The following ITPR1 variants were observed in gnomAD, a reference collection of about 807,000 sequenced individuals.
The protein encoded by ITPR1 is inositol 1,4,5-trisphosphate-gated calcium channel ITPR1.
In ITPR1, 96 loss-of-function variants were observed where a neutral mutation model predicts 318.4. The observed-to-expected ratio is 0.30, with a 90% CI of 0.26 to 0.36. The LOEUF is 0.36. Among genes scored for constraint, ITPR1 ranks in the 10% least tolerant of loss-of-function variants. ITPR1 has a pLI of 1.00. For synonymous variants in ITPR1, 1,312 were observed against 1,289.9 expected (o/e 1.02, Z -0.37); for missense variants, 2,440 against 3,460.2 (o/e 0.71, Z 7.40).
intron 4 of ITPR1, among the ~76,000 whole-genome samples, chr3:4,531,732 A>G (rs1271934698): frequency 1.3e-5 from 2 of 151,952 alleles, no homozygotes; most frequent in Non-Finnish European, 2.9e-5. Context: ...TGATCTCCCT[A>G]TCTCTGTTGT....
chr3:4,734,876 C>T (rs1385428948), intron 43 of ITPR1, among the ~76,000 whole-genome samples: 1 of 152,202 alleles, frequency 6.6e-6, no homozygotes, highest in East Asian at 1.9e-4. Flanking sequence ...AAGGGAGAGT[C>T]TTTGCTGGCT....
intron 51 of ITPR1, among the ~76,000 whole-genome samples, chr3:4,784,224 G>C (rs956934605): frequency 3.3e-5 from 5 of 152,012 alleles, no homozygotes; most frequent in Non-Finnish European, 7.4e-5. Flanking sequence ...TGGTCACAGA[G>C]GCCTAGTCTG....
chr3:4,619,631 CT>C lies in ITPR1; in HGVS notation c.164-8131del, dbSNP rs1194048430. Reference sequence around the variant, plus strand: ...CTCTGCCCTCCCCTGCTCTCCTCTGCTCTCCCCTGCTCTCCTCTGCTCTCCC... The same window carrying C: ...CTCTGCCCTCCCCTGCTCTCCTCTGCCTCCCCTGCTCTCCTCTGCTCTCCC... On this transcript the variant is annotated intron_variant, in intron 4 of 61. Coordinates refer to ENST00000649015, the MANE Select transcript of ITPR1 (RefSeq NM_001378452.1). 1.4e-3 allele frequency among the ~76,000 whole-genome samples: 23 copies of C among 16,624 alleles called. 3 individuals carry two copies. The highest frequency in any genetic ancestry group is 4.4e-3 in the African/African-American group (9 of 2,056). The allele number at this position is 16,624 out of a possible 152,430, so 10.9% of individuals were successfully genotyped here.
intron 44 of ITPR1, among the ~76,000 whole-genome samples, chr3:4,737,858 G>T (rs2043387641): frequency 6.6e-6 from 1 of 152,192 alleles, no homozygotes; most frequent in Non-Finnish European, 1.5e-5. Flanking sequence ...TGTTTGGGTG[G>T]TGGTTACATG....
At position 4,834,828 on chromosome 3, in the gene ITPR1, G is replaced by A. The variant is rs149248417; in HGVS notation, c.8029-1946G>A. Among the ~76,000 whole-genome samples the A allele has an allele frequency of 2.3e-3, 357 of 152,260 alleles. 1 individual carries two copies. Among genetic ancestry groups the A allele is most frequent in the African/African-American group, 8.2e-3 (342 of 41,542 alleles). ...TTAACGATCTTTTGCCCATTGCTCTGTGGTGGGAAATTGATGAATATAAGC... is the reference window on the plus strand; with the variant it reads ...TTAACGATCTTTTGCCCATTGCTCTATGGTGGGAAATTGATGAATATAAGC... On this transcript the variant is annotated intron_variant, in intron 60 of 61. Coordinates refer to ENST00000649015, the MANE Select transcript of ITPR1 (RefSeq NM_001378452.1).
At chr3:4,828,317 TG>T (rs35751898) in intron 60 of ITPR1, among the ~76,000 whole-genome samples, 1 of 152,150 alleles carries the variant, frequency 6.6e-6, no homozygotes, top group Non-Finnish European at 1.5e-5. Flanking sequence ...ACATAGCCAC[TG>T]GGAATGTTCT....
At chr3:4,762,347 A>T (rs1041659006) in intron 44 of ITPR1, among the ~76,000 whole-genome samples, 7 of 152,196 alleles carry the variant, frequency 4.6e-5, no homozygotes, top group African/African-American at 1.7e-4. Flanking sequence ...TTGAACCTTC[A>T]CAACCATCCA....
intron 32 of ITPR1, among the ~76,000 whole-genome samples, chr3:4,692,933 C>A (rs1031316477): frequency 6.6e-6 from 1 of 152,106 alleles, no homozygotes; most frequent in Admixed American, 6.5e-5. Context: ...CCAGCCTAGC[C>A]AACATGGGGA....
In ITPR1 at chr3:4,549,345, T is replaced by A. The variant is rs192869921; in HGVS notation, c.163+28251T>A. Among the ~76,000 whole-genome samples the A allele has an allele frequency of 1.6e-3, 248 of 152,326 alleles. 1 individual carries two copies. Among genetic ancestry groups the A allele is most frequent in the African/African-American group, 5.7e-3 (235 of 41,566 alleles). On this transcript the variant is annotated intron_variant, in intron 4 of 61. Coordinates refer to ENST00000649015, the MANE Select transcript of ITPR1 (RefSeq NM_001378452.1). ...GCGGTTTAAGCAGAGGGGCCTGAAG[T>A]TATTTTTCTGTGGCAAAAAATAAAA...
intron 4 of ITPR1, among the ~76,000 whole-genome samples, chr3:4,583,378 G>A (rs1030444686): frequency 9.9e-5 from 15 of 151,896 alleles, no homozygotes; most frequent in African/African-American, 2.4e-4. Flanking sequence ...ATGGACACCC[G>A]TTCCAGTTTG....
intron 40 of ITPR1, among the ~76,000 whole-genome samples, chr3:4,723,133 G>A (rs543942523): frequency 2.6e-5 from 4 of 152,318 alleles, no homozygotes; most frequent in African/African-American, 9.6e-5. Flanking sequence ...GGGAGACAGA[G>A]CAAGACTCCA....
intron 13 of ITPR1, among the ~76,000 whole-genome samples, 176 bp from the exon 14 acceptor site, chr3:4,660,812 A>AT: frequency 6.6e-6 from 1 of 152,288 alleles, no homozygotes; most frequent in South Asian, 2.1e-4. Context: ...TTCTATTGTA[A>AT]ATGCATCAGA....
intron 7 of ITPR1, 53 bp downstream of exon 7, chr3:4,642,304 G>T: frequency 1.4e-6 from 2 of 1,408,020 alleles, no homozygotes; most frequent in South Asian, 3.4e-5. Context: ...TTCCAAGCAT[G>T]ACTGTATATT....
intron 33 of ITPR1, among the ~76,000 whole-genome samples, chr3:4,695,068 TG>T (rs745406267): frequency 3.9e-5 from 6 of 152,348 alleles, no homozygotes; most frequent in South Asian, 2.1e-4. Flanking sequence ...AGATGCCAGA[TG>T]TTTTTTTACA....
intron 44 of ITPR1, among the ~76,000 whole-genome samples, chr3:4,752,410 G>T (rs1390398772): frequency 2.6e-5 from 4 of 152,154 alleles, no homozygotes; most frequent in Non-Finnish European, 5.9e-5. Flanking sequence ...ATGGATTAAG[G>T]ATCCTCAGCC....
chr3:4,822,098 G>A (rs770223848), intron 60 of ITPR1, among the ~76,000 whole-genome samples: 9 of 152,170 alleles, frequency 5.9e-5, no homozygotes, highest in Admixed American at 2.0e-4. Flanking sequence ...GGCAAGTCAC[G>A]GGACTTTGCT....
At chr3:4,727,549 C>T (rs149820896) in intron 42 of ITPR1, among the ~76,000 whole-genome samples, 290 of 152,210 alleles carry the variant, frequency 1.9e-3, no homozygotes, top group Middle Eastern at 3.4e-3. Flanking sequence ...CATTACCTAG[C>T]CACAAGAGCC....
At chr3:4,697,633 G>T (rs1645193931) in intron 34 of ITPR1, among the ~76,000 whole-genome samples, 1 of 151,630 alleles carries the variant, frequency 6.6e-6, no homozygotes, top group South Asian at 2.1e-4. Flanking sequence ...TGTATTTTTA[G>T]TAGAAACAGG....
intron 2 of ITPR1, among the ~76,000 whole-genome samples, chr3:4,498,577 A>G (rs2080780908): frequency 6.6e-6 from 1 of 152,212 alleles, no homozygotes; most frequent in South Asian, 2.1e-4. Flanking sequence ...TCACAAAACT[A>G]CATTGTCCTT....
Sources: allele counts gnomAD v4.1 joint callset (sites outside exome capture counted in the v4.1 genomes callset), GRCh38; gene constraint gnomAD v4.1.1; transcripts MANE v1.5; gene names NCBI Gene and HGNC (gene_info 2026-07-23, HGNC 2026-07-21).